Variants in ARIH1 observed in about 807,000 individuals in gnomAD.
ARIH1 encodes ariadne RBR E3 ubiquitin protein ligase 1.
ARIH1 carries 8 observed loss-of-function variants against 85.0 expected under a neutral mutation model. The observed-to-expected ratio is 0.09, with a 90% CI of 0.06 to 0.17. ARIH1 has a LOEUF of 0.17. Among genes scored for constraint, ARIH1 ranks in the 10% least tolerant of loss-of-function variants. The probability of loss-of-function intolerance (pLI) is 1.00; values close to 1 mark genes in which losing one functional copy is unlikely to be tolerated. For missense variants in ARIH1, 311 were observed against 718.1 expected (o/e 0.43, Z 6.48); for synonymous variants, 238 against 253.6 (o/e 0.94, Z 0.59).
At position 72,474,895 on chromosome 15, in the gene ARIH1, G is replaced by A; in HGVS notation, c.256G>A (p.Gly86Ser). 1.4e-6 allele frequency: 2 copies of A among 1,438,598 alleles called. No homozygotes were observed. Among genetic ancestry groups the A allele is most frequent in the East Asian group, 3.0e-5 (1 of 32,962 alleles). 89.1% of individuals were successfully genotyped at this position (1,438,598 alleles called of 1,614,324 possible). Residue 86 changes from glycine to serine, a missense_variant, in exon 1 of 14, where the codon GGT becomes AGT. Transcript: ENST00000379887. ...CGGTGGCGGCGGCGGCGGCGGCGGCGGTGGTGGTGGCGGGCCGGGGCATGA... is the reference window on the plus strand; with the variant it reads ...CGGTGGCGGCGGCGGCGGCGGCGGCAGTGGTGGTGGCGGGCCGGGGCATGA... The part of the protein sequence containing the change: ...PGGGGGGGGG[G>S]GGGGPGHEQE...
At chr15:72,517,886 C>T (rs1439170765) in intron 1 of ARIH1, among the ~76,000 whole-genome samples, 181 bp from the exon 2 acceptor site, 1 of 152,028 alleles carries the variant, frequency 6.6e-6, no homozygotes, top group Non-Finnish European at 1.5e-5. Flanking sequence ...GTGTGGCAGA[C>T]TATGTTTAAA....
intron 3 of ARIH1, among the ~76,000 whole-genome samples, chr15:72,545,276 C>T (rs1377277052): frequency 2.6e-5 from 4 of 152,148 alleles, no homozygotes; most frequent in Non-Finnish European, 5.9e-5. Flanking sequence ...AGAATTCTTT[C>T]TCATCCAAAT....
intron 1 of ARIH1, among the ~76,000 whole-genome samples, chr15:72,480,313 G>A (rs2063810968): frequency 6.7e-6 from 1 of 150,352 alleles, no homozygotes; most frequent in Admixed American, 6.6e-5. Context: ...CCAGGCTGGA[G>A]TGCAGTGGCC....
At chr15:72,475,572 A>G (rs1391512684) in intron 1 of ARIH1, among the ~76,000 whole-genome samples, 1 of 152,184 alleles carries the variant, frequency 6.6e-6, no homozygotes, top group Non-Finnish European at 1.5e-5. Context: ...TTCTCGGAAG[A>G]GGTGCTGATG....
chr15:72,547,959 T>C, intron 3 of ARIH1, among the ~76,000 whole-genome samples: 1 of 152,228 alleles, frequency 6.6e-6, no homozygotes, highest in East Asian at 1.9e-4. Context: ...TTCAAAATCA[T>C]GACTTGAGAT....
rs1220395985 is a variant in ARIH1, at chr15:72,549,689, A to G, written c.588+4725A>G. On this transcript the variant is annotated intron_variant, in intron 3 of 13. Transcript: ENST00000379887. ...GGTTATATGGACAACTTATTATGGA[A>G]GAAAGATTCTTAATTTTCTTACTGC... Among the ~76,000 whole-genome samples the G allele has an allele frequency of 2.0e-5, 3 of 147,850 alleles. No individual in the cohort carries two copies. In the East Asian group the frequency reaches 5.8e-4, roughly 29 times the overall value.
intron 1 of ARIH1, among the ~76,000 whole-genome samples, chr15:72,510,835 G>A (rs1180694716): frequency 6.7e-6 from 1 of 150,056 alleles, no homozygotes. Flanking sequence ...TATTTATGTG[G>A]GTCTATTTCT....
At position 72,586,965 on chromosome 15, in the gene ARIH1, G is replaced by T. The variant is rs145222485; in HGVS notation, c.*3673G>T. On this transcript the variant is annotated 3_prime_UTR_variant, in exon 14 of 14. Coordinates refer to ENST00000379887, the MANE Select transcript of ARIH1 (RefSeq NM_005744.5). ...ACTGTTATATAGGGATGAAGGGAGA[G>T]TTTTCTTAAAGAAGGTCCCAAAGTT... 1.5e-4 allele frequency: 50 copies of T among 338,116 alleles called. No homozygotes were observed. Among genetic ancestry groups the T allele is most frequent in the African/African-American group, 1.0e-3 (48 of 45,982 alleles). 20.9% of individuals were successfully genotyped at this position (338,116 alleles called of 1,614,324 possible). A position where few individuals can be genotyped will look rare whatever the true frequency, so the allele number is the denominator to read the frequency against.
rs151323694 is a variant in ARIH1 at position 72,488,525 on chromosome 15, C to T, written c.375+13511C>T. On this transcript the variant is annotated intron_variant, in intron 1 of 13. Coordinates refer to ENST00000379887, the MANE Select transcript of ARIH1 (RefSeq NM_005744.5). ...TGCTTCATATGGATATTTGGTATAGCCTATAAGAGGTTATGATATAGCTAT... is the reference window on the plus strand; with the variant it reads ...TGCTTCATATGGATATTTGGTATAGTCTATAAGAGGTTATGATATAGCTAT... Among the ~76,000 whole-genome samples the T allele has an allele frequency of 1.9e-3, 295 of 152,284 alleles. 1 individual carries two copies. The highest frequency in any genetic ancestry group is 6.7e-3 in the African/African-American group (278 of 41,558).
At position 72,498,961 on chromosome 15, in the gene ARIH1, A is replaced by ATTTTTTTTTT. The variant is rs535261674; in HGVS notation, c.376-19078_376-19069dup. 5.0e-4 allele frequency among the ~76,000 whole-genome samples: 44 copies of ATTTTTTTTTT among 88,426 alleles called. 4 individuals are homozygous for ATTTTTTTTTT. Among genetic ancestry groups the ATTTTTTTTTT allele is most frequent in the African/African-American group, 6.1e-4 (13 of 21,450 alleles). The allele number at this position is 88,426 out of a possible 152,430, so 58.0% of individuals were successfully genotyped here. ...TTATGTCGTTTGCACCTTTTCATAA[A>ATTTTTTTTTT]TTTTTTTTTTTTTTTTTTTTTTTTT... On this transcript the variant is annotated intron_variant, in intron 1 of 13. Coordinates refer to ENST00000379887, the MANE Select transcript of ARIH1 (RefSeq NM_005744.5).
rs2064369031 is a variant in ARIH1 at position 72,597,889 on chromosome 15, C to G, written c.*14597C>G. 1 of 152,150 alleles carries G rather than the reference C, an allele frequency of 6.6e-6. No individual in the cohort carries two copies. Among genetic ancestry groups the G allele is most frequent in the South Asian group, 2.1e-4 (1 of 4,832 alleles). The allele number at this position is 152,150 out of a possible 1,614,324, so 9.4% of individuals were successfully genotyped here. On this transcript the variant is annotated 3_prime_UTR_variant, in exon 14 of 14. Coordinates refer to ENST00000379887, the MANE Select transcript of ARIH1 (RefSeq NM_005744.5). ...ATAGTTCAACTAGGAATAACAACAG[C>G]TAGGGGGTCTCTTCTCTCCTATGAA...
At chr15:72,569,925 T>G (rs1170098928) in intron 9 of ARIH1, among the ~76,000 whole-genome samples, 1 of 152,172 alleles carries the variant, frequency 6.6e-6, no homozygotes, top group African/African-American at 2.4e-5. Context: ...GGCAATGTAG[T>G]GAGACTCTGT....
At chr15:72,574,901 CG>C (rs111697930) in intron 11 of ARIH1, among the ~76,000 whole-genome samples, 7,432 of 123,638 alleles carry the variant, frequency 0.06, 292 homozygotes, top group African/African-American at 0.1. Context: ...AAGACCCCCC[CG>C]CCGCCCCCGC....
At chr15:72,494,554 G>C (rs1398676162) in intron 1 of ARIH1, among the ~76,000 whole-genome samples, 1 of 152,152 alleles carries the variant, frequency 6.6e-6, no homozygotes, top group East Asian at 1.9e-4. Context: ...AGTGTGATCA[G>C]ATTATGAAAG....
Position 72,474,542 on chromosome 15 carries a change from C to T in ARIH1, c.-98C>T, listed in dbSNP as rs2063785048. 2 of 1,403,608 alleles carry T rather than the reference C, an allele frequency of 1.4e-6. No individual in the cohort carries two copies. Among genetic ancestry groups the T allele is most frequent in the Non-Finnish European group, 1.9e-6 (2 of 1,072,476 alleles). 86.9% of individuals were successfully genotyped at this position (1,403,608 alleles called of 1,614,324 possible). A position where few individuals can be genotyped will look rare whatever the true frequency, so the allele number is the denominator to read the frequency against. On this transcript the variant is annotated 5_prime_UTR_variant, in exon 1 of 14. Transcript: ENST00000379887. ...CGCGGGGCCGGAGCCAGGCCTGCGTCCGGACATCAGCCGGAGCCGGAGCGA... is the reference window on the plus strand; with the variant it reads ...CGCGGGGCCGGAGCCAGGCCTGCGTTCGGACATCAGCCGGAGCCGGAGCGA...
chr15:72,561,581 G>A, intron 6 of ARIH1, 32 bp downstream of exon 6: 1 of 1,289,218 alleles, frequency 7.8e-7, no homozygotes, highest in Non-Finnish European at 1.1e-6. Flanking sequence ...TTGTAAGAAG[G>A]AATTCTGTTT....
intron 1 of ARIH1, among the ~76,000 whole-genome samples, chr15:72,504,204 G>A (rs1397981428): frequency 6.6e-6 from 1 of 152,204 alleles, no homozygotes; most frequent in East Asian, 1.9e-4. Flanking sequence ...ACAGGTACCC[G>A]CCACCATGCC....
At chr15:72,490,382 C>T (rs2063854377) in intron 1 of ARIH1, among the ~76,000 whole-genome samples, 1 of 152,302 alleles carries the variant, frequency 6.6e-6, no homozygotes, top group African/African-American at 2.4e-5. Flanking sequence ...GGAGCGTTAC[C>T]ACCTGAGCTC....
intron 1 of ARIH1, among the ~76,000 whole-genome samples, chr15:72,502,340 A>T (rs916940289): frequency 4.6e-5 from 7 of 152,248 alleles, no homozygotes; most frequent in African/African-American, 1.7e-4. Context: ...AGAACAGCAA[A>T]GCCCAGATGT....
Sources: allele counts gnomAD v4.1 joint callset (sites outside exome capture counted in the v4.1 genomes callset), GRCh38; gene constraint gnomAD v4.1.1; transcripts MANE v1.5; gene names NCBI Gene and HGNC (gene_info 2026-07-23, HGNC 2026-07-21).